Variants in SUFU observed in about 807,000 individuals in gnomAD.
SUFU encodes the protein suppressor of fused homolog.
A neutral mutation model predicts 58.9 loss-of-function variants in SUFU; 7 were observed. The observed-to-expected ratio is 0.12, with a 90% CI of 0.07 to 0.22. The LOEUF is 0.22. Ranked by LOEUF, SUFU falls within the 10% of genes least tolerant of loss-of-function variation. The pLI is 1.00. For synonymous variants in SUFU, 232 were observed against 254.8 expected (o/e 0.91, Z 0.85); for missense variants, 451 against 641.3 (o/e 0.70, Z 3.20).
chr10:102,556,508 C>T (rs1160994570), intron 3 of SUFU, among the ~76,000 whole-genome samples: 1 of 151,924 alleles, frequency 6.6e-6, no homozygotes, highest in Non-Finnish European at 1.5e-5. Flanking sequence ...TTTGGGAGGC[C>T]GAGGCATGTG....
chr10:102,552,996 T>G (rs1377029991), intron 3 of SUFU, among the ~76,000 whole-genome samples: 6 of 152,216 alleles, frequency 3.9e-5, no homozygotes, highest in Non-Finnish European at 7.3e-5. Context: ...CTGAGGCCCT[T>G]TCTGTACCTG....
intron 2 of SUFU, among the ~76,000 whole-genome samples, chr10:102,520,544 T>C (rs2062539719): frequency 6.6e-6 from 1 of 152,142 alleles, no homozygotes; most frequent in Admixed American, 6.5e-5. Flanking sequence ...GACAAATGCA[T>C]GTCATGTATA....
chr10:102,583,998 G>A (rs2063311475), intron 3 of SUFU, among the ~76,000 whole-genome samples: 1 of 152,168 alleles, frequency 6.6e-6, no homozygotes, highest in South Asian at 2.1e-4. Flanking sequence ...GCCACCTACT[G>A]GGCACTTGCT....
intron 1 of SUFU, among the ~76,000 whole-genome samples, chr10:102,506,859 C>T (rs1050903394): frequency 1.6e-4 from 25 of 152,198 alleles, no homozygotes; most frequent in Admixed American, 4.6e-4. Flanking sequence ...CAGTGTGGCT[C>T]TGTGACTGGT....
At chr10:102,597,874 G>A (rs2063479194) in intron 7 of SUFU, among the ~76,000 whole-genome samples, 1 of 152,248 alleles carries the variant, frequency 6.6e-6, no homozygotes, top group Non-Finnish European at 1.5e-5. Flanking sequence ...TGGCTGTCCT[G>A]TTGGAATCTC....
At chr10:102,524,643 T>C (rs764055123) in intron 2 of SUFU, among the ~76,000 whole-genome samples, 1 of 152,206 alleles carries the variant, frequency 6.6e-6, no homozygotes, top group Non-Finnish European at 1.5e-5. Flanking sequence ...AAAACACTTA[T>C]CACTTCTGCG....
chr10:102,518,920 A>G (rs569415136), intron 2 of SUFU, among the ~76,000 whole-genome samples: 1 of 150,328 alleles, frequency 6.7e-6, no homozygotes, highest in African/African-American at 2.4e-5. Flanking sequence ...CAGGCGGATC[A>G]TGAGGTCAGG....
At chr10:102,567,031 A>C (rs373469447) in intron 3 of SUFU, among the ~76,000 whole-genome samples, 7 of 516 alleles carry the variant, frequency 0.014, no homozygotes, top group Admixed American at 0.059. Flanking sequence ...TTTTTTTTTG[A>C]GACAGAGTCT....
In SUFU at chr10:102,633,145, T is replaced by G. The variant is rs2063851749; in HGVS notation, c.*2990T>G. On this transcript the variant is annotated 3_prime_UTR_variant, in exon 12 of 12. Transcript: ENST00000369902. Reference sequence around the variant, plus strand: ...CTGACCAGTAGAGAATTTCCTTTACTGTATTTTTGTGTCTGGTCTTCCCTT... The same window carrying G: ...CTGACCAGTAGAGAATTTCCTTTACGGTATTTTTGTGTCTGGTCTTCCCTT... 1 of 233,482 alleles carries G rather than the reference T, an allele frequency of 4.3e-6. No individual in the cohort carries two copies. The highest frequency in any genetic ancestry group is 8.5e-6 in the Non-Finnish European group (1 of 118,032). 14.5% of individuals were successfully genotyped at this position (233,482 alleles called of 1,614,324 possible).
chr10:102,588,262 G>A (rs373426032), intron 3 of SUFU, among the ~76,000 whole-genome samples: 85 of 151,984 alleles, frequency 5.6e-4, no homozygotes, highest in African/African-American at 1.9e-3. Context: ...GCGTGGTGGC[G>A]GGCACCTGTA....
chr10:102,572,998 A>T (rs1480083705), intron 3 of SUFU: 30 of 1,306,134 alleles, frequency 2.3e-5, no homozygotes, highest in Admixed American at 5.0e-5. Context: ...TGGAAACTTG[A>T]TGATAGCATA....
intron 2 of SUFU, among the ~76,000 whole-genome samples, chr10:102,520,383 A>C (rs375374562): frequency 6.6e-6 from 1 of 151,044 alleles, no homozygotes; most frequent in African/African-American, 2.4e-5. Context: ...ACGCCCGGCT[A>C]ATTTTTTTGT....
intron 2 of SUFU, among the ~76,000 whole-genome samples, chr10:102,517,704 ATGT>A (rs961266262): frequency 6.6e-6 from 1 of 152,156 alleles, no homozygotes; most frequent in Admixed American, 6.5e-5. Context: ...TTCAGTTCTG[ATGT>A]TGTTCCTGAG....
chr10:102,546,252 G>A (rs943256857), intron 2 of SUFU, among the ~76,000 whole-genome samples: 2 of 152,272 alleles, frequency 1.3e-5, no homozygotes, highest in East Asian at 3.9e-4. Context: ...AGGATCCAGG[G>A]TTCTTGAGCA....
At chr10:102,591,282 C>T (rs1192648298) in intron 3 of SUFU, among the ~76,000 whole-genome samples, 2 of 152,114 alleles carry the variant, frequency 1.3e-5, no homozygotes, top group Non-Finnish European at 2.9e-5. Context: ...GGGCGGATCA[C>T]GAGGTCAGGA....
At position 102,504,120 on chromosome 10, in the gene SUFU, C is replaced by T. The variant is rs201649559; in HGVS notation, c.-33C>T. The T allele has an allele frequency of 1.1e-3, 1,616 of 1,530,456 alleles. 11 individuals are homozygous for T. The African/African-American group carries it at 0.019, about 18-fold the overall frequency. The allele number at this position is 1,530,456 out of a possible 1,614,324, so 94.8% of individuals were successfully genotyped here. A position where few individuals can be genotyped will look rare whatever the true frequency, so the allele number is the denominator to read the frequency against. ...GTGCTCTCCCCGTCGTTTGCCCTCTCCAGTTCCCCCAGTGCCTGCCCTACG... is the reference window on the plus strand; with the variant it reads ...GTGCTCTCCCCGTCGTTTGCCCTCTTCAGTTCCCCCAGTGCCTGCCCTACG... On this transcript the variant is annotated 5_prime_UTR_variant, in exon 1 of 12. Transcript: ENST00000369902.
At chr10:102,542,906 T>A (rs764932041) in intron 2 of SUFU, among the ~76,000 whole-genome samples, 6 of 152,248 alleles carry the variant, frequency 3.9e-5, no homozygotes, top group Admixed American at 1.3e-4. Context: ...ATTACAGGCA[T>A]GAACCACCGT....
rs764847917 is a variant in SUFU at position 102,550,089 on chromosome 10, G to A, written c.437G>A (p.Arg146Gln). 4 of 1,614,078 alleles carry A rather than the reference G, an allele frequency of 2.5e-6. No individual in the cohort carries two copies. The highest frequency in any genetic ancestry group is 1.7e-5 in the Admixed American group (1 of 60,006). The change falls in exon 3 of 12, where the codon CGA (arginine) becomes CAA (glutamine). Residue 146 changes from arginine (R) to glutamine (Q), a missense_variant. Transcript: ENST00000369902. ...WPAELMQGLA[R>Q]YVFQSENTFC... The stretch of plus-strand genomic sequence containing the variant: ...GCAGAGTTAATGCAGGGCTTGGCAC[G>A]ATACGTGTTCCAGTCAGGTAGGAGG...
At chr10:102,505,455 C>T (rs775635634) in intron 1 of SUFU, among the ~76,000 whole-genome samples, 14 of 152,224 alleles carry the variant, frequency 9.2e-5, no homozygotes, top group Non-Finnish European at 1.5e-4. Context: ...AAAGACTGTT[C>T]TGCAGCTGCT....
Sources: allele counts gnomAD v4.1 joint callset (sites outside exome capture counted in the v4.1 genomes callset), GRCh38; gene constraint gnomAD v4.1.1; transcripts MANE v1.5; gene names NCBI Gene and HGNC (gene_info 2026-07-23, HGNC 2026-07-21).